KCNG3: variants seen among roughly 807,000 people sequenced by gnomAD.
The protein encoded by KCNG3 is voltage-gated potassium channel regulatory subunit KCNG3.
In KCNG3, 15 loss-of-function variants were observed where a neutral mutation model predicts 29.0. The observed-to-expected ratio is 0.52, with a 90% CI of 0.35 to 0.80. KCNG3 has a LOEUF of 0.80. Ranked by LOEUF, KCNG3 falls within the 30% of genes least tolerant of loss-of-function variation. The pLI is 0.01. For synonymous variants in KCNG3, 322 were observed against 248.9 expected, an observed-to-expected ratio of 1.29 and a Z score of -2.76; for missense variants, 512 against 605.7, an observed-to-expected ratio of 0.85 and a Z score of 1.62.
chr2:42,434,458 CAAAAAAAAAAAAAAAA>C, the KCNG3 span, among the ~76,000 whole-genome samples: 1 of 31,242 alleles, frequency 3.2e-5, no homozygotes, highest in South Asian at 1.9e-3. Flanking sequence ...GACACTGTCT[CAAAAAAAAAAAAAAAA>C]AAAAAAAAAA....
At chr2:42,402,687 C>T in the KCNG3 span, among the ~76,000 whole-genome samples, 4 of 152,206 alleles carry the variant, frequency 2.6e-5, no homozygotes, top group African/African-American at 9.6e-5. Flanking sequence ...TGACAGAGCA[C>T]ATCTATCATA....
chr2:42,470,131 G>A, intron 1 of KCNG3: 1 of 439,688 alleles, frequency 2.3e-6, no homozygotes, highest in South Asian at 3.1e-5. Context: ...GGAATAGAAA[G>A]GATAAGGATG....
intron 1 of KCNG3, among the ~76,000 whole-genome samples, chr2:42,450,044 T>C (rs1672711387): frequency 6.6e-6 from 1 of 152,158 alleles, no homozygotes; most frequent in African/African-American, 2.4e-5. Context: ...ATAAGGACCT[T>C]CCCAGCTCTA....
At chr2:42,453,957 A>G (rs1224919992) in intron 1 of KCNG3, among the ~76,000 whole-genome samples, 1 of 152,156 alleles carries the variant, frequency 6.6e-6, no homozygotes, top group Non-Finnish European at 1.5e-5. Context: ...TTTATTGAAG[A>G]GACTGTCCTG....
At chr2:42,470,276 T>C (rs1005785284) in intron 1 of KCNG3, 1 of 376,266 alleles carries the variant, frequency 2.7e-6, no homozygotes, top group Non-Finnish European at 5.2e-6. Flanking sequence ...AATTTGTCTA[T>C]GTACTCACGC....
At chr2:42,401,795 G>A in the KCNG3 span, among the ~76,000 whole-genome samples, 5 of 152,122 alleles carry the variant, frequency 3.3e-5, no homozygotes, top group East Asian at 7.7e-4. Flanking sequence ...GAGGCAGGAC[G>A]ACTGCTTGAA....
chr2:42,437,735 C>T (rs1157560870), downstream of KCNG3, among the ~76,000 whole-genome samples: 4 of 151,842 alleles, frequency 2.6e-5, no homozygotes, highest in Non-Finnish European at 5.9e-5. Context: ...GTCAGGAGAT[C>T]GAGACCAGCC....
chr2:42,443,563 C>T lies in KCNG3; in HGVS notation c.*371G>A. The T allele has an allele frequency of 6.0e-6, 1 of 166,522 alleles. No individual in the cohort carries two copies. Among genetic ancestry groups the T allele is most frequent in the Non-Finnish European group, 1.3e-5 (1 of 77,726 alleles). 10.3% of individuals were successfully genotyped at this position (166,522 alleles called of 1,614,324 possible). On this transcript the variant is annotated 3_prime_UTR_variant, in exon 2 of 2. Coordinates refer to ENST00000306078, the MANE Select transcript of KCNG3 (RefSeq NM_133329.6). Reference sequence around the variant, plus strand: ...AAATGTTACTCTCAAACAAAAAACACTATAAGTTCCAAGCTTCTTCTGAAT... The same window carrying T: ...AAATGTTACTCTCAAACAAAAAACATTATAAGTTCCAAGCTTCTTCTGAAT...
chr2:42,406,619 G>T, the KCNG3 span, among the ~76,000 whole-genome samples: 1 of 150,834 alleles, frequency 6.6e-6, no homozygotes, highest in Non-Finnish European at 1.5e-5. Flanking sequence ...AAGGTCAGGA[G>T]TTCGAGACCA....
intron 1 of KCNG3, among the ~76,000 whole-genome samples, chr2:42,491,872 G>T (rs1673886295): frequency 6.6e-6 from 1 of 152,148 alleles, no homozygotes; most frequent in Non-Finnish European, 1.5e-5. Context: ...TGAATGGAAG[G>T]AGGATCTTAA....
the KCNG3 span, among the ~76,000 whole-genome samples, chr2:42,413,101 C>A: frequency 6.6e-6 from 1 of 152,016 alleles, no homozygotes; most frequent in African/African-American, 2.4e-5. Flanking sequence ...GCCTTTAACT[C>A]CTGGGCTCCC....
At chr2:42,472,242 A>G (rs1413353848) in intron 1 of KCNG3, among the ~76,000 whole-genome samples, 1 of 152,204 alleles carries the variant, frequency 6.6e-6, no homozygotes, top group Non-Finnish European at 1.5e-5. Context: ...TTCCTACTAC[A>G]TTACAGTTAA....
At chr2:42,423,693 G>A in the KCNG3 span, among the ~76,000 whole-genome samples, 1 of 151,552 alleles carries the variant, frequency 6.6e-6, no homozygotes, top group Non-Finnish European at 1.5e-5. Flanking sequence ...ACCTGTAAAC[G>A]TCTTCAATGT....
chr2:42,470,110 G>C (rs1673249530), intron 1 of KCNG3: 1 of 473,698 alleles, frequency 2.1e-6, no homozygotes, highest in Non-Finnish European at 3.9e-6. Context: ...CTGTTCAAAA[G>C]CATCTTGAGA....
the KCNG3 span, among the ~76,000 whole-genome samples, chr2:42,397,882 C>A: frequency 6.6e-6 from 1 of 152,126 alleles, no homozygotes; most frequent in African/African-American, 2.4e-5. Context: ...TCATATGTAG[C>A]TAGCCACTTA....
intron 1 of KCNG3, among the ~76,000 whole-genome samples, chr2:42,473,661 G>C (rs1489054729): frequency 6.6e-6 from 1 of 151,864 alleles, no homozygotes; most frequent in Non-Finnish European, 1.5e-5. Context: ...TAAAGCATGT[G>C]TTTCTTTTAT....
At chr2:42,431,415 T>C in the KCNG3 span, among the ~76,000 whole-genome samples, 50 of 152,254 alleles carry the variant, frequency 3.3e-4, no homozygotes, top group East Asian at 1.2e-3. Flanking sequence ...CACATTTGCA[T>C]TGAAGATTAA....
chr2:42,475,946 A>C (rs1194691940), intron 1 of KCNG3, among the ~76,000 whole-genome samples: 3 of 152,014 alleles, frequency 2.0e-5, no homozygotes, highest in African/African-American at 4.8e-5. Flanking sequence ...CATGCCTGTA[A>C]TCCCAGCTAC....
intron 1 of KCNG3, among the ~76,000 whole-genome samples, chr2:42,448,933 G>A (rs1295686148): frequency 3.3e-5 from 5 of 151,722 alleles, no homozygotes; most frequent in Non-Finnish European, 5.9e-5. Flanking sequence ...AGCTGAGATC[G>A]CGCCACTGCA....
Sources: allele counts gnomAD v4.1 joint callset (sites outside exome capture counted in the v4.1 genomes callset), GRCh38; gene constraint gnomAD v4.1.1; transcripts MANE v1.5; gene names NCBI Gene and HGNC (gene_info 2026-07-23, HGNC 2026-07-21).